Variants in RBFOX1 observed in about 807,000 individuals in gnomAD.
RBFOX1 encodes RNA binding protein fox-1 homolog 1.
In RBFOX1, 8 loss-of-function variants were observed where a neutral mutation model predicts 57.7. That is an observed-to-expected ratio of 0.14 (90% CI 0.08 to 0.25). The LOEUF (loss-of-function observed/expected upper bound fraction) is 0.25, where lower values mean the gene tolerates loss of function less well. Among genes scored for constraint, RBFOX1 ranks in the 10% least tolerant of loss-of-function variants. RBFOX1 has a pLI of 1.00. For synonymous variants in RBFOX1, 326 were observed against 222.4 expected, an observed-to-expected ratio of 1.47 and a Z score of -4.15; for missense variants, 611 against 548.5, an observed-to-expected ratio of 1.11 and a Z score of -1.14.
Position 5,635,632 on chromosome 16 carries a change from C to T in RBFOX1, c.318+36671C>T, listed in dbSNP as rs186115920. 1.1e-4 allele frequency among the ~76,000 whole-genome samples: 15 copies of T among 140,920 alleles called. No individual in the cohort carries two copies. In the East Asian group the frequency reaches 2.7e-3, roughly 25 times the overall value. The allele number at this position is 140,920 out of a possible 152,430, so 92.4% of individuals were successfully genotyped here. On this transcript the variant is annotated intron_variant, in intron 3 of 19. Transcript: ENST00000641259. ...ATTATGCAGGTGGCTTAGTCATTGA[C>T]ATGCATGCAATTTGCATTTCCCCCT...
At chr16:7,523,588 T>G (rs973256115) in intron 5 of RBFOX1, among the ~76,000 whole-genome samples, 15 of 152,096 alleles carry the variant, frequency 9.9e-5, no homozygotes, top group African/African-American at 3.1e-4. Context: ...CCAGCAATGT[T>G]TGGATGGTAC....
At chr16:5,448,095 A>G (rs1336257133) in intron 1 of RBFOX1, among the ~76,000 whole-genome samples, 1 of 152,164 alleles carries the variant, frequency 6.6e-6, no homozygotes, top group African/African-American at 2.4e-5. Context: ...TTGGCTGGAT[A>G]TGTCTTTTGA....
chr16:6,917,406 T>C (rs949670886), intron 3 of RBFOX1, among the ~76,000 whole-genome samples: 1 of 152,216 alleles, frequency 6.6e-6, no homozygotes, highest in African/African-American at 2.4e-5. Context: ...CTATATCTTA[T>C]AAAGAAATCT....
intron 2 of RBFOX1, among the ~76,000 whole-genome samples, chr16:6,344,114 G>A (rs1488243560): frequency 6.6e-6 from 1 of 152,156 alleles, no homozygotes; most frequent in Non-Finnish European, 1.5e-5. Flanking sequence ...TCAATGTCTA[G>A]GAGAGGCACT....
chr16:5,905,689 G>A (rs561018861), intron 4 of RBFOX1, among the ~76,000 whole-genome samples: 52 of 152,172 alleles, frequency 3.4e-4, no homozygotes, highest in African/African-American at 7.2e-4. Context: ...CCTGTCCAAC[G>A]CAACAACAAA....
At chr16:6,188,877 T>C (rs116498124) in intron 1 of RBFOX1, among the ~76,000 whole-genome samples, 2 of 149,670 alleles carry the variant, frequency 1.3e-5, no homozygotes, top group Non-Finnish European at 2.9e-5. Flanking sequence ...AGTAGTGGAC[T>C]AAAACACCAG....
chr16:6,670,458 T>C (rs2098757166), intron 3 of RBFOX1, among the ~76,000 whole-genome samples: 1 of 152,208 alleles, frequency 6.6e-6, no homozygotes, highest in South Asian at 2.1e-4. Context: ...ATCTTAATTT[T>C]GCCCCATGAC....
At chr16:7,551,631 T>G (rs2086570157) in intron 5 of RBFOX1, among the ~76,000 whole-genome samples, 1 of 152,176 alleles carries the variant, frequency 6.6e-6, no homozygotes. Context: ...TGCAGTGGAA[T>G]ACTGTGACCT....
At chr16:5,257,985 C>T (rs2062632596) in intron 1 of RBFOX1, among the ~76,000 whole-genome samples, 1 of 152,056 alleles carries the variant, frequency 6.6e-6, no homozygotes. Context: ...CTCAGGTGAT[C>T]CTCCCACCTC....
At chr16:6,518,513 G>C (rs1282961498) in intron 2 of RBFOX1, among the ~76,000 whole-genome samples, 1 of 152,048 alleles carries the variant, frequency 6.6e-6, no homozygotes, top group African/African-American at 2.4e-5. Flanking sequence ...AGTTTTCTCT[G>C]GGTCATGTAG....
At chr16:7,464,463 G>T (rs2060129505) in intron 4 of RBFOX1, among the ~76,000 whole-genome samples, 1 of 151,892 alleles carries the variant, frequency 6.6e-6, no homozygotes, top group Admixed American at 6.6e-5. Flanking sequence ...GGAGGATTTA[G>T]AAAGTCATTA....
At chr16:6,314,261 C>G (rs1304606564) in intron 1 of RBFOX1, among the ~76,000 whole-genome samples, 1 of 152,174 alleles carries the variant, frequency 6.6e-6, no homozygotes, top group East Asian at 1.9e-4. Context: ...ACATAAGGGG[C>G]CGTTTCCCAG....
At chr16:6,591,584 G>A (rs188644631) in intron 2 of RBFOX1, among the ~76,000 whole-genome samples, 1 of 152,308 alleles carries the variant, frequency 6.6e-6, no homozygotes, top group African/African-American at 2.4e-5. Flanking sequence ...TGCACTGGGA[G>A]TGACCCAGTC....
chr16:6,034,684 C>A (rs1009665897), intron 1 of RBFOX1, among the ~76,000 whole-genome samples: 1 of 152,148 alleles, frequency 6.6e-6, no homozygotes, highest in Non-Finnish European at 1.5e-5. Flanking sequence ...CATACCGTAA[C>A]AGAATGTTTT....
At position 5,766,898 on chromosome 16, in the gene RBFOX1, T is replaced by C. The variant is rs115818091; in HGVS notation, c.319-100405T>C. On this transcript the variant is annotated intron_variant, in intron 3 of 19. Transcript: ENST00000641259. ...AGTCACTGTTTGCAAAGTCCTCTCA[T>C]TTTTAAACCTCTACTTATAGTTCAG... Among the ~76,000 whole-genome samples, 647 of 152,348 alleles carry C rather than the reference T, an allele frequency of 4.2e-3. 8 individuals carry two copies. The highest frequency in any genetic ancestry group is 0.015 in the African/African-American group (613 of 41,594).
At chr16:7,568,540 G>A (rs145001495) in intron 5 of RBFOX1, among the ~76,000 whole-genome samples, 17 of 152,222 alleles carry the variant, frequency 1.1e-4, no homozygotes, top group African/African-American at 4.1e-4. Context: ...TATCAGCAAT[G>A]TGTTTATTAC....
At chr16:6,999,442 A>AT (rs1333025205) in intron 3 of RBFOX1, among the ~76,000 whole-genome samples, 2 of 150,686 alleles carry the variant, frequency 1.3e-5, no homozygotes, top group Non-Finnish European at 3.0e-5. Context: ...TTTAATTTTT[A>AT]TTTTTTATTT....
At chr16:7,082,451 A>T (rs1028096920) in intron 4 of RBFOX1, among the ~76,000 whole-genome samples, 28 of 151,732 alleles carry the variant, frequency 1.8e-4, no homozygotes, top group African/African-American at 6.3e-4. Flanking sequence ...ATGTGGTGGC[A>T]TGCACCTGTG....
At chr16:7,569,083 T>C (rs1327600060) in intron 5 of RBFOX1, among the ~76,000 whole-genome samples, 1 of 151,984 alleles carries the variant, frequency 6.6e-6, no homozygotes, top group Non-Finnish European at 1.5e-5. Context: ...CCGTTATCGC[T>C]TTTTCTTCCC....
Sources: gnomAD v4.1 joint callset for allele counts (sites outside exome capture counted in the v4.1 genomes callset) on GRCh38, gnomAD v4.1.1 for gene constraint, MANE v1.5 for transcripts, NCBI Gene and HGNC (gene_info 2026-07-23, HGNC 2026-07-21) for gene names.